The following ITPR1 variants were observed in gnomAD, a reference collection of about 807,000 sequenced individuals.
ITPR1 encodes inositol 1,4,5-trisphosphate-gated calcium channel ITPR1.
A neutral mutation model predicts 318.4 loss-of-function variants in ITPR1; 96 were observed. The observed-to-expected ratio is 0.30, with a 90% CI of 0.26 to 0.36. The LOEUF (loss-of-function observed/expected upper bound fraction) is 0.36, where lower values mean the gene tolerates loss of function less well. ITPR1 is among the 10% of genes least tolerant of loss of function. ITPR1 has a pLI of 1.00. For missense variants in ITPR1, 2,440 were observed against 3,460.2 expected (o/e 0.71, Z 7.40); for synonymous variants, 1,312 against 1,289.9 (o/e 1.02, Z -0.37).
At position 4,663,059 on chromosome 3, in the gene ITPR1, C is replaced by G; in HGVS notation, c.1413-6C>G. Reference sequence around the variant, plus strand: ...ATCTGTCTCTAATAGCGTCTTTCCTCCTAAGGTCTGTAACCAAGCTGCTAG... The same window carrying G: ...ATCTGTCTCTAATAGCGTCTTTCCTGCTAAGGTCTGTAACCAAGCTGCTAG... On this transcript the variant is annotated splice_region_variant and splice_polypyrimidine_tract_variant and intron_variant, in intron 15 of 61. Transcript: ENST00000649015. 1 of 1,613,336 alleles carries G rather than the reference C, an allele frequency of 6.2e-7. No homozygotes were observed. Among genetic ancestry groups the G allele is most frequent in the Non-Finnish European group, 8.5e-7 (1 of 1,179,458 alleles).
chr3:4,562,620 A>G (rs1202939773), intron 4 of ITPR1, among the ~76,000 whole-genome samples: 1 of 151,972 alleles, frequency 6.6e-6, no homozygotes. Context: ...GTATGTTGAG[A>G]TTTTCCAGGA....
intron 45 of ITPR1, among the ~76,000 whole-genome samples, chr3:4,767,746 T>C (rs1472817016): frequency 2.6e-5 from 4 of 152,240 alleles, no homozygotes; most frequent in Non-Finnish European, 5.9e-5. Context: ...CAAGTTGGTC[T>C]AAAACTTCTG....
intron 37 of ITPR1, among the ~76,000 whole-genome samples, chr3:4,707,206 G>T (rs144954720): frequency 6.6e-6 from 1 of 152,214 alleles, no homozygotes; most frequent in Admixed American, 6.5e-5. Flanking sequence ...CCTGTATTTC[G>T]TGCAGTAAAT....
Position 4,836,735 on chromosome 3 carries a change from C to CTTTTT in ITPR1, c.8029-19_8029-15dup, listed in dbSNP as rs201029025. 6.2e-5 allele frequency: 66 copies of CTTTTT among 1,070,370 alleles called. No individual in the cohort carries two copies. The African/African-American group carries it at 1.2e-3, about 19-fold the overall frequency. The allele number at this position is 1,070,370 out of a possible 1,614,324, so 66.3% of individuals were successfully genotyped here. A position where few individuals can be genotyped will look rare whatever the true frequency, so the allele number is the denominator to read the frequency against. ...TTTTTACCTCTAGAAGTGACTCAGT[C>CTTTTT]TTTTTTTTTTTTTTTTTTTTTTTTA... On this transcript the variant is annotated intron_variant, in intron 60 of 61. Transcript: ENST00000649015.
At chr3:4,795,394 C>G (rs1263088230) in intron 53 of ITPR1, among the ~76,000 whole-genome samples, 1 of 151,838 alleles carries the variant, frequency 6.6e-6, no homozygotes, top group Non-Finnish European at 1.5e-5. Context: ...TTTTTTTTAA[C>G]CAGGAAAGAA....
intron 4 of ITPR1, among the ~76,000 whole-genome samples, chr3:4,574,178 G>A (rs535580015): frequency 2.0e-5 from 3 of 151,904 alleles, no homozygotes; most frequent in African/African-American, 7.2e-5. Context: ...GGTCTAAGTG[G>A]GAAAGTATAG....
intron 54 of ITPR1, 55 bp from the exon 55 acceptor site, chr3:4,806,048 C>A: frequency 1.4e-6 from 2 of 1,453,562 alleles, no homozygotes; most frequent in South Asian, 1.3e-5. Flanking sequence ...TCGTTGCTCT[C>A]ATGAAGAGTT....
chr3:4,660,945 C>A, intron 13 of ITPR1, 43 bp from the exon 14 acceptor site: 1 of 1,032,094 alleles, frequency 9.7e-7, no homozygotes, highest in Non-Finnish European at 1.5e-6. Context: ...TAGAGTAAAC[C>A]TCAATATTTA....
rs796968698 is a variant in ITPR1, at chr3:4,697,325, T to TGTGA, written c.4407+56_4407+57insAGTG. 22 of 1,314,458 alleles carry TGTGA rather than the reference T, an allele frequency of 1.7e-5. No homozygotes were observed. In the African/African-American group the frequency reaches 3.3e-4, roughly 20 times the overall value. The allele number at this position is 1,314,458 out of a possible 1,614,324, so 81.4% of individuals were successfully genotyped here. On this transcript the variant is annotated intron_variant, in intron 34 of 61. Transcript: ENST00000649015. Reference sequence around the variant, plus strand: ...AGTTGGAGAGTGAGAGGTGTGTGTGTGTGTGTGTGTGTGTGTGTGTGTGTG... The same window carrying TGTGA: ...AGTTGGAGAGTGAGAGGTGTGTGTGTGTGAGTGTGTGTGTGTGTGTGTGTGTGTG...
intron 1 of ITPR1, among the ~76,000 whole-genome samples, chr3:4,494,127 T>G (rs1057456400): frequency 2.6e-5 from 4 of 152,346 alleles, no homozygotes; most frequent in Admixed American, 2.0e-4. Context: ...ATACTTGGCC[T>G]TCTCGCCGGG....
intron 7 of ITPR1, among the ~76,000 whole-genome samples, chr3:4,643,095 G>A (rs1267003740): frequency 6.6e-6 from 1 of 152,212 alleles, no homozygotes; most frequent in African/African-American, 2.4e-5. Flanking sequence ...GATAGGGAAT[G>A]TACCAGAAAC....
chr3:4,552,760 C>A (rs1291190948), intron 4 of ITPR1, among the ~76,000 whole-genome samples: 1 of 152,172 alleles, frequency 6.6e-6, no homozygotes, highest in Non-Finnish European at 1.5e-5. Context: ...AAGCTGGACC[C>A]TCTAATCCTG....
At position 4,659,429 on chromosome 3, in the gene ITPR1, C is replaced by T. The variant is rs575780534; in HGVS notation, c.1151+1151C>T. Among the ~76,000 whole-genome samples, 6 of 152,178 alleles carry T rather than the reference C, an allele frequency of 3.9e-5. No homozygotes were observed. The East Asian group carries it at 1.2e-3, about 29-fold the overall frequency. On this transcript the variant is annotated intron_variant, in intron 13 of 61. Coordinates refer to ENST00000649015, the MANE Select transcript of ITPR1 (RefSeq NM_001378452.1). ...GGCGCAGTGCCTCACACCTGTAATC[C>T]GAGCACTTTGGGAGGCTGAAGCAGA...
intron 60 of ITPR1, among the ~76,000 whole-genome samples, chr3:4,827,740 A>C (rs2050171377): frequency 2.0e-5 from 3 of 152,174 alleles, no homozygotes; most frequent in Non-Finnish European, 4.4e-5. Context: ...GGAAGGTGTG[A>C]TCCTTAGGGT....
chr3:4,796,291 CA>C (rs1394544629), intron 53 of ITPR1, among the ~76,000 whole-genome samples: 2 of 97,156 alleles, frequency 2.1e-5, no homozygotes, highest in Non-Finnish European at 4.5e-5. Context: ...AACACAAGTC[CA>C]GGGGGGATTT....
chr3:4,659,334 GT>G (rs1334938568), intron 13 of ITPR1, among the ~76,000 whole-genome samples: 1 of 152,202 alleles, frequency 6.6e-6, no homozygotes, highest in Admixed American at 6.5e-5. Flanking sequence ...TGAATAGTAT[GT>G]TTTATACATA....
intron 4 of ITPR1, among the ~76,000 whole-genome samples, chr3:4,587,365 C>T (rs1414802965): frequency 6.6e-6 from 1 of 151,746 alleles, no homozygotes; most frequent in East Asian, 1.9e-4. Flanking sequence ...CCTCCACCTC[C>T]CGGGTTCAAG....
At chr3:4,619,267 C>G (rs1244962802) in intron 4 of ITPR1, among the ~76,000 whole-genome samples, 1 of 152,142 alleles carries the variant, frequency 6.6e-6, no homozygotes, top group Admixed American at 6.5e-5. Flanking sequence ...TGGGGAATTA[C>G]TGGGTTCTTT....
chr3:4,814,111 A>G (rs1479087016), intron 57 of ITPR1, among the ~76,000 whole-genome samples: 1 of 152,244 alleles, frequency 6.6e-6, no homozygotes, highest in Non-Finnish European at 1.5e-5. Context: ...GAAGCAACTC[A>G]TCTGACATGA....
Sources: allele counts gnomAD v4.1 joint callset (sites outside exome capture counted in the v4.1 genomes callset), GRCh38; gene constraint gnomAD v4.1.1; transcripts MANE v1.5; gene names NCBI Gene and HGNC (gene_info 2026-07-23, HGNC 2026-07-21).